The following PRKG1 variants were observed in gnomAD, a reference collection of about 807,000 sequenced individuals.
PRKG1 encodes cGMP-dependent protein kinase 1.
A neutral mutation model predicts 88.1 loss-of-function variants in PRKG1; 35 were observed. The ratio of observed to expected loss-of-function variants is 0.40; its 90% confidence interval spans 0.30 to 0.53. The LOEUF (loss-of-function observed/expected upper bound fraction) is 0.53, where lower values mean the gene tolerates loss of function less well. PRKG1 is among the 20% of genes least tolerant of loss of function. The pLI, the probability that PRKG1 is intolerant of heterozygous loss-of-function variation, is 0.59. For missense variants in PRKG1, 540 were observed against 839.8 expected, an observed-to-expected ratio of 0.64 and a Z score of 4.41; for synonymous variants, 303 against 292.5, an observed-to-expected ratio of 1.04 and a Z score of -0.37.
rs527451244 is a variant in PRKG1 at position 52,040,985 on chromosome 10, C to T, written c.763-13499C>T. 1.3e-4 allele frequency among the ~76,000 whole-genome samples: 19 copies of T among 151,684 alleles called. No homozygotes were observed. In the South Asian group the frequency reaches 1.5e-3, roughly 12 times the overall value. ...CTGAGTAGCTGGGATTACAGGCGCCCGCCACCATGCCCTGCTTATTTTTTT... is the reference window on the plus strand; with the variant it reads ...CTGAGTAGCTGGGATTACAGGCGCCTGCCACCATGCCCTGCTTATTTTTTT... On this transcript the variant is annotated intron_variant, in intron 5 of 17. Transcript: ENST00000373980.
intron 5 of PRKG1, among the ~76,000 whole-genome samples, chr10:52,018,913 T>C (rs1186172496): frequency 6.6e-6 from 1 of 152,192 alleles, no homozygotes; most frequent in African/African-American, 2.4e-5. Flanking sequence ...AAAGTTAGGA[T>C]CTGTCTTTGT....
chr10:51,463,716 G>C (rs1162453678), intron 2 of PRKG1, among the ~76,000 whole-genome samples: 1 of 152,124 alleles, frequency 6.6e-6, no homozygotes, highest in Non-Finnish European at 1.5e-5. Flanking sequence ...GCTACAAGAC[G>C]GGTGAGAGGC....
At chr10:51,233,171 G>A (rs1311199257) in intron 2 of PRKG1, among the ~76,000 whole-genome samples, 1 of 152,180 alleles carries the variant, frequency 6.6e-6, no homozygotes, top group African/African-American at 2.4e-5. Flanking sequence ...GAGAGAGCTA[G>A]AAGGAGCAAT....
intron 8 of PRKG1, among the ~76,000 whole-genome samples, chr10:52,137,530 C>T (rs10824093): frequency 0.42 from 64,122 of 151,800 alleles, 15,007 homozygotes; most frequent in Non-Finnish European, 0.51. Flanking sequence ...GTTCAAGGAC[C>T]CCCTTTGAAT....
intron 2 of PRKG1, among the ~76,000 whole-genome samples, chr10:51,177,834 T>G (rs1012839833): frequency 6.6e-6 from 1 of 152,100 alleles, no homozygotes; most frequent in East Asian, 1.9e-4. Context: ...CATTTATATT[T>G]AATTATTTTT....
intron 2 of PRKG1, among the ~76,000 whole-genome samples, chr10:51,329,756 C>A (rs987002146): frequency 2.6e-5 from 4 of 151,972 alleles, no homozygotes; most frequent in African/African-American, 9.7e-5. Flanking sequence ...TTAGTTTTAA[C>A]AATTTAAGTA....
intron 3 of PRKG1, among the ~76,000 whole-genome samples, chr10:51,576,092 C>G (rs562612125): frequency 1.1e-4 from 16 of 151,880 alleles, no homozygotes; most frequent in Non-Finnish European, 1.9e-4. Context: ...TCCCATATCA[C>G]AGATAATAAA....
At chr10:52,229,584 G>A (rs1840475090) in intron 9 of PRKG1, among the ~76,000 whole-genome samples, 1 of 152,182 alleles carries the variant, frequency 6.6e-6, no homozygotes, top group South Asian at 2.1e-4. Flanking sequence ...GGACATCTCA[G>A]ACTTTGTGAA....
chr10:51,864,801 C>T (rs183728810), intron 4 of PRKG1, among the ~76,000 whole-genome samples: 1 of 152,248 alleles, frequency 6.6e-6, no homozygotes, highest in East Asian at 1.9e-4. Flanking sequence ...GTTGTTTGTA[C>T]ATTCACATCT....
rs552076915 is a variant in PRKG1 at position 51,172,620 on chromosome 10, G to A, written c.478+19290G>A. On this transcript the variant is annotated intron_variant, in intron 2 of 17. Transcript: ENST00000373980. ...TCTGTCTATGTATGTATGTATGTAT[G>A]TATGTATGTATGTATGTATGTATGT... Among the ~76,000 whole-genome samples, 46 of 43,582 alleles carry A rather than the reference G, an allele frequency of 1.1e-3. 2 individuals are homozygous for A. The Admixed American group carries it at 0.013, about 12-fold the overall frequency. 28.6% of individuals were successfully genotyped at this position (43,582 alleles called of 152,430 possible).
intron 7 of PRKG1, among the ~76,000 whole-genome samples, chr10:52,070,121 G>C (rs941649784): frequency 1.3e-5 from 2 of 152,026 alleles, no homozygotes; most frequent in Non-Finnish European, 2.9e-5. Flanking sequence ...TATTATTACT[G>C]TATTTTTTCA....
chr10:51,003,821 C>A (rs1437047204), intron 1 of PRKG1, among the ~76,000 whole-genome samples: 1 of 152,066 alleles, frequency 6.6e-6, no homozygotes, highest in East Asian at 1.9e-4. Context: ...AAAATAATTC[C>A]ATAACACTCC....
intron 3 of PRKG1, among the ~76,000 whole-genome samples, chr10:51,505,479 G>A (rs1296369001): frequency 2.6e-5 from 4 of 152,124 alleles, no homozygotes; most frequent in Admixed American, 2.6e-4. Context: ...GATGATGCTG[G>A]CCTCATAAAA....
At chr10:51,829,246 A>G (rs1163444956) in intron 4 of PRKG1, among the ~76,000 whole-genome samples, 3 of 152,224 alleles carry the variant, frequency 2.0e-5, no homozygotes, top group Non-Finnish European at 4.4e-5. Flanking sequence ...ATGGAATTCC[A>G]TGTCTTCTTA....
At chr10:52,200,966 T>C (rs1289437126) in intron 9 of PRKG1, among the ~76,000 whole-genome samples, 1 of 152,210 alleles carries the variant, frequency 6.6e-6, no homozygotes, top group Non-Finnish European at 1.5e-5. Context: ...CTTTGTTAGA[T>C]GTATAGTTTG....
intron 4 of PRKG1, among the ~76,000 whole-genome samples, chr10:51,810,338 C>T (rs1454273964): frequency 6.6e-6 from 1 of 152,106 alleles, no homozygotes; most frequent in Non-Finnish European, 1.5e-5. Context: ...AAGGGTAAAT[C>T]TTTGCCAGGA....
intron 1 of PRKG1, among the ~76,000 whole-genome samples, chr10:51,145,846 T>G (rs1378936702): frequency 6.6e-6 from 1 of 152,202 alleles, no homozygotes; most frequent in Non-Finnish European, 1.5e-5. Flanking sequence ...GAATACTAGC[T>G]GTATTTTTAG....
At chr10:51,600,435 G>A (rs1404341434) in intron 3 of PRKG1, among the ~76,000 whole-genome samples, 1 of 152,104 alleles carries the variant, frequency 6.6e-6, no homozygotes, top group Admixed American at 6.5e-5. Context: ...GTCACAATTA[G>A]CAATATGAGC....
intron 10 of PRKG1, among the ~76,000 whole-genome samples, chr10:52,255,355 A>G (rs1456850930): frequency 6.6e-6 from 1 of 152,118 alleles, no homozygotes; most frequent in African/African-American, 2.4e-5. Flanking sequence ...CCTGCTTTTC[A>G]GAATAGATTT....
Sources: gnomAD v4.1 joint callset for allele counts (sites outside exome capture counted in the v4.1 genomes callset) on GRCh38, gnomAD v4.1.1 for gene constraint, MANE v1.5 for transcripts, NCBI Gene and HGNC (gene_info 2026-07-23, HGNC 2026-07-21) for gene names.